Variants in VAV2 observed in about 807,000 individuals in gnomAD.
VAV2 encodes the protein vav guanine nucleotide exchange factor 2.
A neutral mutation model predicts 132.5 loss-of-function variants in VAV2; 67 were observed. The ratio of observed to expected loss-of-function variants is 0.51; its 90% CI spans 0.42 to 0.62. VAV2 has a LOEUF of 0.62. VAV2 is among the 20% of genes least tolerant of loss of function. The probability of loss-of-function intolerance (pLI) is 0.00; values close to 1 mark genes in which losing one functional copy is unlikely to be tolerated. For missense variants in VAV2, 938 were observed against 1,153.6 expected (o/e 0.81, Z 2.71); for synonymous variants, 492 against 443.5 (o/e 1.11, Z -1.37).
intron 3 of VAV2, among the ~76,000 whole-genome samples, chr9:133,852,874 G>A (rs1588269964): frequency 6.6e-6 from 1 of 151,962 alleles, no homozygotes; most frequent in Non-Finnish European, 1.5e-5. Context: ...GACCCATTGG[G>A]CCCCCCCTGC....
chr9:133,916,372 G>C (rs764941386), intron 2 of VAV2, among the ~76,000 whole-genome samples: 4 of 152,232 alleles, frequency 2.6e-5, no homozygotes, highest in Non-Finnish European at 5.9e-5. Flanking sequence ...TCTCTCCACG[G>C]GATAAAGCCC....
At chr9:133,982,266 C>T (rs1052902008) in intron 1 of VAV2, among the ~76,000 whole-genome samples, 2 of 99,800 alleles carry the variant, frequency 2.0e-5, no homozygotes, top group Non-Finnish European at 4.1e-5. Context: ...GCAGGGGCGA[C>T]GGCCGGCCGG....
At chr9:133,843,639 C>T (rs1836813104) in intron 3 of VAV2, among the ~76,000 whole-genome samples, 1 of 152,176 alleles carries the variant, frequency 6.6e-6, no homozygotes, top group South Asian at 2.1e-4. Context: ...CCACCTGCCT[C>T]AGATGTGGTA....
At chr9:133,876,242 G>A (rs1049785721) in intron 2 of VAV2, among the ~76,000 whole-genome samples, 1 of 152,166 alleles carries the variant, frequency 6.6e-6, no homozygotes, top group Non-Finnish European at 1.5e-5. Flanking sequence ...TGCTGTTCTG[G>A]AGAACCCTGA....
chr9:133,794,222 C>G lies in VAV2; in HGVS notation c.1101+1446G>C, dbSNP rs1437065395. On this transcript the variant is annotated intron_variant, in intron 12 of 29. Coordinates refer to ENST00000371850, the MANE Select transcript of VAV2 (RefSeq NM_001134398.2). This position sits in a 1 kb window ranked among gnomAD's most constrained non-coding sequence, Gnocchi z 4.6. ...CTCACACACCGTGGCTCACAGCAGA[C>G]AGGCCAGAGCAGGTGTTGGAGAGGG... 6.6e-6 allele frequency among the ~76,000 whole-genome samples: 1 copy of G among 152,150 alleles called. No homozygotes were observed. Among genetic ancestry groups the G allele is most frequent in the Non-Finnish European group, 1.5e-5 (1 of 68,016 alleles).
intron 5 of VAV2, among the ~76,000 whole-genome samples, chr9:133,810,968 C>T (rs544786567): frequency 4.1e-4 from 62 of 152,336 alleles, no homozygotes; most frequent in Non-Finnish European, 7.9e-4. Context: ...CAAGTCCAGA[C>T]GGCTCGCCGG....
chr9:133,813,861 G>C (rs1423995650), intron 4 of VAV2, among the ~76,000 whole-genome samples: 1 of 152,264 alleles, frequency 6.6e-6, no homozygotes, highest in Admixed American at 6.5e-5. Flanking sequence ...GCCAGCGCCT[G>C]TAGAAAAACA....
At position 133,901,503 on chromosome 9, in the gene VAV2, G is replaced by A. The variant is rs143725212; in HGVS notation, c.321+37600C>T. ...GTCGGGAGAGCCATGGCACCACCTC[G>A]AGCCTGGTCTCATGAGGCCTAGAAG... On this transcript the variant is annotated intron_variant, in intron 2 of 29. Coordinates refer to ENST00000371850, the MANE Select transcript of VAV2 (RefSeq NM_001134398.2). Among the ~76,000 whole-genome samples the A allele has an allele frequency of 8.2e-3, 1,255 of 152,342 alleles. 25 individuals carry two copies. The highest frequency in any genetic ancestry group is 0.029 in the African/African-American group (1,197 of 41,578).
chr9:133,948,731 C>G (rs922692579), intron 1 of VAV2, among the ~76,000 whole-genome samples: 1 of 152,256 alleles, frequency 6.6e-6, no homozygotes, highest in Non-Finnish European at 1.5e-5. Context: ...CACTTTCTCC[C>G]ATAACAAACA....
In VAV2 at chr9:133,793,320, G is replaced by GGCCAGA. The variant is rs982127651; in HGVS notation, c.1102-1457_1102-1452dup. ...CCCCAAAATGCAAGTGACCAGCCAG[G>GGCCAGA]GCCAGAGCCAGAGCCAGAGCCAGGT... On this transcript the variant is annotated intron_variant, in intron 12 of 29. Coordinates refer to ENST00000371850, the MANE Select transcript of VAV2 (RefSeq NM_001134398.2). Among the ~76,000 whole-genome samples the GGCCAGA allele has an allele frequency of 1.4e-3, 219 of 151,974 alleles. 1 individual carries two copies. The highest frequency in any genetic ancestry group is 6.8e-3 in the Middle Eastern group (2 of 294).
intron 2 of VAV2, among the ~76,000 whole-genome samples, chr9:133,910,469 G>T (rs539384367): frequency 8.3e-4 from 127 of 152,140 alleles, no homozygotes; most frequent in Middle Eastern, 6.8e-3. Context: ...GACAGATGAG[G>T]TGCCAAGGTT....
At chr9:133,799,001 T>C (rs541140597) in intron 9 of VAV2, among the ~76,000 whole-genome samples, 1 of 152,268 alleles carries the variant, frequency 6.6e-6, no homozygotes, top group South Asian at 2.1e-4. Context: ...TCTCTTTCCA[T>C]CATGAGAGCT....
At chr9:133,819,378 G>A (rs28647613) in intron 4 of VAV2, among the ~76,000 whole-genome samples, 29,637 of 151,138 alleles carry the variant, frequency 0.2, 3,512 homozygotes, top group African/African-American at 0.32. Context: ...GAACCCAGGA[G>A]GTGGAGTTTG....
intron 3 of VAV2, among the ~76,000 whole-genome samples, chr9:133,855,493 A>C (rs1236289419): frequency 6.6e-6 from 1 of 152,186 alleles, no homozygotes; most frequent in African/African-American, 2.4e-5. Flanking sequence ...CCACTGCAGG[A>C]GCAGAGGCTA....
intron 3 of VAV2, among the ~76,000 whole-genome samples, chr9:133,839,356 G>A (rs1836623839): frequency 6.6e-6 from 1 of 152,074 alleles, no homozygotes; most frequent in Non-Finnish European, 1.5e-5. Flanking sequence ...TGGGATTAGT[G>A]GGTGCATGGA....
intron 3 of VAV2, among the ~76,000 whole-genome samples, chr9:133,851,110 C>G (rs540484541): frequency 6.6e-6 from 1 of 152,232 alleles, no homozygotes; most frequent in African/African-American, 2.4e-5. Flanking sequence ...TGGGGCTCTG[C>G]GGGCTTTAGG....
At chr9:133,958,711 C>T (rs570798126) in intron 1 of VAV2, among the ~76,000 whole-genome samples, 1 of 152,326 alleles carries the variant, frequency 6.6e-6, no homozygotes, top group East Asian at 1.9e-4. Context: ...GAGAAACACC[C>T]ACAGGTGTGG....
intron 9 of VAV2, among the ~76,000 whole-genome samples, chr9:133,799,299 C>A (rs999342114): frequency 2.6e-5 from 4 of 152,250 alleles, no homozygotes; most frequent in Admixed American, 6.5e-5. Context: ...CTCACCACGG[C>A]CAGGGCCGCC....
rs551889525 is a variant in VAV2 at position 133,909,315 on chromosome 9, C to A, written c.321+29788G>T. On this transcript the variant is annotated intron_variant, in intron 2 of 29. Transcript: ENST00000371850. ...CCTGGCCTGGAAGCCACTCACAGAG[C>A]TGAGTTTGAGTCCTGGAGCTCAGCA... 6.2e-4 allele frequency among the ~76,000 whole-genome samples: 95 copies of A among 152,320 alleles called. 1 individual carries two copies. In the Middle Eastern group the frequency reaches 0.014, roughly 22 times the overall value.
Sources: gnomAD v4.1 joint callset for allele counts (sites outside exome capture counted in the v4.1 genomes callset) on GRCh38, gnomAD v4.1.1 for gene constraint, Gnocchi (gnomAD v3.1) non-coding constraint, MANE v1.5 for transcripts, NCBI Gene and HGNC (gene_info 2026-07-23, HGNC 2026-07-21) for gene names.